Variants in DCDC1 observed in about 807,000 individuals in gnomAD.
DCDC1 encodes the protein doublecortin domain containing 1.
In DCDC1, 200 loss-of-function variants were observed where a neutral mutation model predicts 178.3. The observed-to-expected ratio is 1.12, with a 90% CI of 1.00 to 1.26. The LOEUF (loss-of-function observed/expected upper bound fraction) is 1.26, where lower values mean the gene tolerates loss of function less well. DCDC1 is among the 50% of genes most tolerant of loss of function. The pLI is 0.00. For synonymous variants in DCDC1, 690 were observed against 604.8 expected (o/e 1.14, Z -2.07); for missense variants, 1,983 against 1,749.2 (o/e 1.13, Z -2.38).
At chr11:31,307,449 A>T (rs1948529472) in intron 4 of DCDC1, 190 bp downstream of exon 4, 1 of 659,808 alleles carries the variant, frequency 1.5e-6, no homozygotes, top group Admixed American at 3.2e-5. Context: ...AGTGTATCTC[A>T]TATTTCCCAC....
intron 21 of DCDC1, among the ~76,000 whole-genome samples, chr11:30,946,918 A>T (rs1293087940): frequency 6.6e-6 from 1 of 152,202 alleles, no homozygotes; most frequent in Non-Finnish European, 1.5e-5. Flanking sequence ...CAGCCAAGAA[A>T]GGAAATCTAA....
At chr11:31,310,305 TTGA>T (rs57527052) in intron 3 of DCDC1, among the ~76,000 whole-genome samples, 2,694 of 124,304 alleles carry the variant, frequency 0.022, 349 homozygotes, top group African/African-American at 0.11. Context: ...TCAGTAATTC[TTGA>T]TTTTTTTTTT....
intron 20 of DCDC1, among the ~76,000 whole-genome samples, chr11:31,020,254 C>T (rs531635517): frequency 1.3e-5 from 2 of 152,242 alleles, no homozygotes; most frequent in South Asian, 4.1e-4. Flanking sequence ...GTCAATTCTC[C>T]CAGCCTCCAA....
chr11:30,925,313 T>G lies in DCDC1; in HGVS notation c.2993A>C (p.Glu998Ala). ...IFALKDLQRD[E>A]LVYVSCGELW... ...GTTTCAAATCCATGTCTTTACCAGT[T>G]CATCTCTTTGCAGGTCTTTTAAGGC... The change falls in exon 23 of 39, where the codon GAA becomes GCA. Residue 998 changes from glutamate to alanine, a missense_variant. Glu to Ala is a moderately radical substitution (Grantham distance 107). Transcript: ENST00000684477. 6.2e-7 allele frequency: 1 copy of G among 1,613,122 alleles called. No homozygotes were observed. The highest frequency in any genetic ancestry group is 8.5e-7 in the Non-Finnish European group (1 of 1,179,210).
At chr11:31,259,467 T>C (rs1210499215) in intron 8 of DCDC1, among the ~76,000 whole-genome samples, 1 of 152,220 alleles carries the variant, frequency 6.6e-6, no homozygotes, top group African/African-American at 2.4e-5. Context: ...CTAAGGACTT[T>C]ACATATATTT....
At chr11:31,176,979 G>A (rs1423837552) in intron 9 of DCDC1, among the ~76,000 whole-genome samples, 1 of 152,038 alleles carries the variant, frequency 6.6e-6, no homozygotes, top group Non-Finnish European at 1.5e-5. Context: ...ACTAATAGAA[G>A]TAAATTCATA....
chr11:31,232,786 C>T (rs1975949785), intron 9 of DCDC1, among the ~76,000 whole-genome samples: 1 of 152,072 alleles, frequency 6.6e-6, no homozygotes. Flanking sequence ...TGAGCACTTA[C>T]TAGGTTCCAG....
At chr11:31,343,190 T>G (rs929333141) in intron 1 of DCDC1, among the ~76,000 whole-genome samples, 1 of 152,202 alleles carries the variant, frequency 6.6e-6, no homozygotes, top group Admixed American at 6.5e-5. Flanking sequence ...GAGGATCACT[T>G]GAGCCTAGCT....
chr11:31,010,981 A>G (rs980904180), intron 20 of DCDC1, among the ~76,000 whole-genome samples: 3 of 152,170 alleles, frequency 2.0e-5, no homozygotes, highest in African/African-American at 7.2e-5. Context: ...AACCTACTAA[A>G]CAAATAAGTA....
At chr11:30,984,231 G>A (rs1025465189) in intron 20 of DCDC1, among the ~76,000 whole-genome samples, 4 of 152,218 alleles carry the variant, frequency 2.6e-5, no homozygotes, top group East Asian at 3.9e-4. Context: ...GGCTGTGTGT[G>A]TGCGAGCGCA....
intron 37 of DCDC1, among the ~76,000 whole-genome samples, chr11:30,879,042 G>A (rs1326413025): frequency 6.6e-6 from 1 of 152,032 alleles, no homozygotes; most frequent in Non-Finnish European, 1.5e-5. Context: ...ATGGCAAATG[G>A]CATAAAACAC....
At chr11:30,904,196 C>G (rs1944901985) in intron 31 of DCDC1, 1 of 152,162 alleles carries the variant, frequency 6.6e-6, no homozygotes, top group African/African-American at 2.4e-5. Flanking sequence ...CTGGGTGAAT[C>G]TTGGAGTTGC....
rs567333718 is a variant in DCDC1, at chr11:30,908,375, C to T, written c.3918+571G>A. Reference sequence around the variant, plus strand: ...TCAATATGAAAATGGAGCCAGACTACGCAACTGAGTGTCACATAGAGACCT... The same window carrying T: ...TCAATATGAAAATGGAGCCAGACTATGCAACTGAGTGTCACATAGAGACCT... On this transcript the variant is annotated intron_variant, in intron 29 of 38. Coordinates refer to ENST00000684477, the MANE Select transcript of DCDC1 (RefSeq NM_001387274.1). Among the ~76,000 whole-genome samples, 23 of 152,096 alleles carry T rather than the reference C, an allele frequency of 1.5e-4. No individual in the cohort carries two copies. The South Asian group carries it at 4.1e-3, about 27-fold the overall frequency.
At chr11:31,122,482 G>A (rs1328291565) in intron 11 of DCDC1, among the ~76,000 whole-genome samples, 1 of 151,996 alleles carries the variant, frequency 6.6e-6, no homozygotes, top group Non-Finnish European at 1.5e-5. Flanking sequence ...TTAAGGAAGG[G>A]GGTGATTATT....
chr11:31,173,772 C>A (rs879262987), intron 9 of DCDC1, among the ~76,000 whole-genome samples: 24 of 124,318 alleles, frequency 1.9e-4, no homozygotes, highest in East Asian at 1.2e-3. Context: ...ACACACACAC[C>A]CCCACATCTT....
chr11:30,922,731 T>C, intron 23 of DCDC1, 93 bp from the exon 24 acceptor site: 3 of 1,260,310 alleles, frequency 2.4e-6, no homozygotes, highest in Non-Finnish European at 2.1e-6. Context: ...AAAATCAAAA[T>C]GTCCTATTAA....
intron 18 of DCDC1, 117 bp from the exon 19 acceptor site, chr11:31,065,270 A>C: frequency 2.0e-6 from 1 of 493,122 alleles, no homozygotes; most frequent in Non-Finnish European, 3.6e-6. Flanking sequence ...TCTGGCTAAT[A>C]AACTTTGTAC....
At chr11:31,076,323 T>A (rs1325592563) in intron 18 of DCDC1, among the ~76,000 whole-genome samples, 1 of 152,082 alleles carries the variant, frequency 6.6e-6, no homozygotes, top group Non-Finnish European at 1.5e-5. Context: ...TTATTTCCAG[T>A]TGTTCTGTTT....
At chr11:31,007,565 A>C (rs866054109) in intron 20 of DCDC1, among the ~76,000 whole-genome samples, 91 of 151,808 alleles carry the variant, frequency 6.0e-4, no homozygotes, top group African/African-American at 2.1e-3. Context: ...TAAAGAGGAG[A>C]AAATGTCACT....
Sources: gnomAD v4.1 joint callset for allele counts (sites outside exome capture counted in the v4.1 genomes callset) on GRCh38, gnomAD v4.1.1 for gene constraint, MANE v1.5 for transcripts, NCBI Gene and HGNC (gene_info 2026-07-23, HGNC 2026-07-21) for gene names.